PLEKHM3: variants seen among roughly 807,000 people sequenced by gnomAD.
PLEKHM3 encodes the protein pleckstrin homology domain containing M3, also known as pleckstrin homology domain-containing family M member 3.
PLEKHM3 carries 45 observed loss-of-function variants against 81.8 expected under a neutral mutation model. That is an observed-to-expected ratio of 0.55 (90% CI 0.43 to 0.71). The LOEUF is 0.71. Ranked by LOEUF, PLEKHM3 falls within the 30% of genes least tolerant of loss-of-function variation. The probability of loss-of-function intolerance (pLI) is 0.00; values close to 1 mark genes in which losing one functional copy is unlikely to be tolerated. For synonymous variants in PLEKHM3, 352 were observed against 356.4 expected, an observed-to-expected ratio of 0.99 and a Z score of 0.14; for missense variants, 788 against 924.3, an observed-to-expected ratio of 0.85 and a Z score of 1.91.
At chr2:207,985,122 C>G (rs1450409668) in intron 2 of PLEKHM3, among the ~76,000 whole-genome samples, 1 of 151,976 alleles carries the variant, frequency 6.6e-6, no homozygotes, top group Non-Finnish European at 1.5e-5. Context: ...ACAGTGCTGC[C>G]ACTCTTAACT....
At chr2:207,937,019 T>C (rs1343590115) in intron 4 of PLEKHM3, among the ~76,000 whole-genome samples, 1 of 152,126 alleles carries the variant, frequency 6.6e-6, no homozygotes, top group Non-Finnish European at 1.5e-5. Context: ...ACATAAAATA[T>C]CTCTGGAAGG....
chr2:208,018,395 G>GAAAAA (rs75422528), intron 1 of PLEKHM3, among the ~76,000 whole-genome samples: 4 of 125,942 alleles, frequency 3.2e-5, no homozygotes, highest in East Asian at 2.3e-4. Context: ...GAAAAGAAAA[G>GAAAAA]AAAAAAAAAA....
intron 5 of PLEKHM3, among the ~76,000 whole-genome samples, chr2:207,925,331 G>C (rs961053301): frequency 6.6e-6 from 1 of 152,168 alleles, no homozygotes; most frequent in African/African-American, 2.4e-5. Flanking sequence ...GCACAGAAAG[G>C]TGTGGCAATT....
chr2:207,921,602 GA>G (rs1689185525), intron 5 of PLEKHM3, among the ~76,000 whole-genome samples: 1 of 152,150 alleles, frequency 6.6e-6, no homozygotes, highest in African/African-American at 2.4e-5. Flanking sequence ...TAGAATGCCA[GA>G]ACCTATTTCT....
rs377380772 is a variant in PLEKHM3, at chr2:207,976,973, G to C, written c.1224C>G (p.Asp408Glu). ...TGTCCATCTGGACAGCCAGACACAC[G>C]TCCACGTTGTAGCTCAACAGTGGAT... is the stretch of plus-strand genomic sequence containing the variant. ...DEDPLLSYNV[D>E]VCLAVQMDNL... The change falls in exon 3 of 8, where the codon GAC (aspartate) becomes GAG (glutamate). Residue 408 changes from aspartate (D) to glutamate (E), a missense_variant. Physicochemically the swap from Asp to Glu is conservative, Grantham distance 45. Transcript: ENST00000427836. The surrounding 1 kb of genome is among the most constrained non-coding windows in gnomAD (Gnocchi z 4.1). 3 of 1,614,176 alleles carry C rather than the reference G, an allele frequency of 1.9e-6. No individual in the cohort carries two copies. Among genetic ancestry groups the C allele is most frequent in the Admixed American group, 1.7e-5 (1 of 60,006 alleles).
intron 6 of PLEKHM3, among the ~76,000 whole-genome samples, chr2:207,880,539 G>A (rs1322451264): frequency 1.3e-5 from 2 of 150,562 alleles, no homozygotes; most frequent in African/African-American, 2.4e-5. Context: ...CGAGACGGGC[G>A]GATCACGAGG....
At chr2:207,988,571 C>T (rs1691798732) in intron 2 of PLEKHM3, among the ~76,000 whole-genome samples, 1 of 152,168 alleles carries the variant, frequency 6.6e-6, no homozygotes, top group African/African-American at 2.4e-5. Context: ...ACTCTGTTAA[C>T]AAATTCCTTC....
Position 208,009,028 on chromosome 2 carries a change from T to C in PLEKHM3, c.-318-7071A>G, listed in dbSNP as rs1434600332. Among the ~76,000 whole-genome samples, 5 of 152,348 alleles carry C rather than the reference T, an allele frequency of 3.3e-5. 1 individual carries two copies. In the East Asian group the frequency reaches 9.6e-4, roughly 29 times the overall value. On this transcript the variant is annotated intron_variant, in intron 1 of 7. Coordinates refer to ENST00000427836, the MANE Select transcript of PLEKHM3 (RefSeq NM_001080475.3). ...TCCATTTGTCTAAAATTACACTCAGTTATTTATTCAGTAAGTATTTGCTGA... is the reference window on the plus strand; with the variant it reads ...TCCATTTGTCTAAAATTACACTCAGCTATTTATTCAGTAAGTATTTGCTGA...
At chr2:207,898,287 A>C (rs745402915) in intron 6 of PLEKHM3, among the ~76,000 whole-genome samples, 1 of 152,064 alleles carries the variant, frequency 6.6e-6, no homozygotes, top group African/African-American at 2.4e-5. Context: ...AGAGCAGACA[A>C]CTCTGGGGCT....
chr2:207,903,073 G>A (rs902677710), intron 6 of PLEKHM3, among the ~76,000 whole-genome samples: 1 of 152,064 alleles, frequency 6.6e-6, no homozygotes, highest in African/African-American at 2.4e-5. Context: ...TCTTTAGTAA[G>A]TACTCCAAAT....
intron 3 of PLEKHM3, among the ~76,000 whole-genome samples, chr2:207,958,719 G>C (rs1403958973): frequency 2.0e-5 from 3 of 152,140 alleles, no homozygotes; most frequent in Non-Finnish European, 4.4e-5. Context: ...ACAGCAGCCT[G>C]ACCAACATGA....
At chr2:207,949,829 T>C (rs1690271361) in intron 3 of PLEKHM3, among the ~76,000 whole-genome samples, 1 of 152,264 alleles carries the variant, frequency 6.6e-6, no homozygotes, top group Admixed American at 6.5e-5. Flanking sequence ...GCTGGATATT[T>C]ATATATTCCC....
At chr2:207,935,918 A>G (rs1574422245) in intron 4 of PLEKHM3, among the ~76,000 whole-genome samples, 1 of 152,376 alleles carries the variant, frequency 6.6e-6, no homozygotes, top group Admixed American at 6.5e-5. Context: ...TAACTTTAAA[A>G]TAAAACTGAA....
chr2:207,891,582 A>T (rs1688061429), intron 6 of PLEKHM3, among the ~76,000 whole-genome samples: 1 of 152,250 alleles, frequency 6.6e-6, no homozygotes, highest in Non-Finnish European at 1.5e-5. Context: ...GACCAGGGTT[A>T]TTTAAAGATT....
intron 4 of PLEKHM3, among the ~76,000 whole-genome samples, chr2:207,945,639 T>A (rs1440016251): frequency 6.6e-6 from 1 of 152,182 alleles, no homozygotes; most frequent in Non-Finnish European, 1.5e-5. Context: ...CAGTGGCTCA[T>A]GCCTGTAATC....
chr2:207,965,620 G>A (rs1392749633), intron 3 of PLEKHM3, among the ~76,000 whole-genome samples: 2 of 152,114 alleles, frequency 1.3e-5, no homozygotes, highest in Non-Finnish European at 2.9e-5. Context: ...TTGAATTTTA[G>A]GATATGAAAT....
chr2:207,959,029 C>G (rs1297165698), intron 3 of PLEKHM3, among the ~76,000 whole-genome samples: 6 of 152,072 alleles, frequency 3.9e-5, no homozygotes, highest in Admixed American at 1.3e-4. Flanking sequence ...GAATTCTAAT[C>G]CTGTCTCTAG....
chr2:208,025,206 C>T (rs1693288278), intron 1 of PLEKHM3, among the ~76,000 whole-genome samples, 183 bp downstream of exon 1: 1 of 152,216 alleles, frequency 6.6e-6, no homozygotes, highest in Non-Finnish European at 1.5e-5. Flanking sequence ...CATGTAATCT[C>T]CCCTCACCCA....
chr2:208,025,045 T>C (rs1445438981), intron 1 of PLEKHM3, among the ~76,000 whole-genome samples: 1 of 152,166 alleles, frequency 6.6e-6, no homozygotes, highest in Non-Finnish European at 1.5e-5. Flanking sequence ...CAGCCTGATG[T>C]AGGTTAAAAG....
Sources: allele counts gnomAD v4.1 joint callset (sites outside exome capture counted in the v4.1 genomes callset), GRCh38; gene constraint gnomAD v4.1.1; non-coding constraint Gnocchi (gnomAD v3.1); transcripts MANE v1.5; gene names NCBI Gene and HGNC (gene_info 2026-07-23, HGNC 2026-07-21).